NXPE2: variants seen among roughly 807,000 people sequenced by gnomAD.
NXPE2 encodes the protein neurexophilin and PC-esterase domain family member 2.
Under a neutral mutation model 34.4 loss-of-function variants are expected in NXPE2, and 34 were observed. That is an observed-to-expected ratio of 0.99 (90% CI 0.75 to 1.31). The LOEUF (loss-of-function observed/expected upper bound fraction) is 1.31. Among genes scored for constraint, NXPE2 ranks in the 40% most tolerant of loss-of-function variants. The pLI is 0.00. For synonymous variants in NXPE2, 235 were observed against 231.3 expected, an observed-to-expected ratio of 1.02 and a Z score of -0.15; for missense variants, 649 against 672.5, an observed-to-expected ratio of 0.97 and a Z score of 0.39.
intron 2 of NXPE2, among the ~76,000 whole-genome samples, chr11:114,680,365 A>G (rs1950928205): frequency 6.6e-6 from 1 of 152,092 alleles, no homozygotes; most frequent in East Asian, 1.9e-4. Context: ...TACCTTTAAA[A>G]GTGTCTTTCT....
the NXPE2 span, among the ~76,000 whole-genome samples, chr11:114,612,242 C>T: frequency 9.5e-3 from 1,445 of 151,326 alleles, 25 homozygotes; most frequent in African/African-American, 0.034. Flanking sequence ...CACTGTTACA[C>T]GGTGGAGAAT....
At chr11:114,582,639 T>C in the NXPE2 span, 2 of 1,613,918 alleles carry the variant, frequency 1.2e-6, no homozygotes, top group Non-Finnish European at 1.7e-6. Context: ...GTAGGTGCCG[T>C]TGTTGAAGTC....
the NXPE2 span, among the ~76,000 whole-genome samples, chr11:114,654,406 A>T: frequency 6.6e-6 from 1 of 151,858 alleles, no homozygotes. Context: ...GGTTTGTTAC[A>T]TAGGTATATG....
chr11:114,580,420 G>C, the NXPE2 span: 2 of 1,180,750 alleles, frequency 1.7e-6, no homozygotes, highest in Admixed American at 3.5e-5. Flanking sequence ...TATCCTCTAA[G>C]TATCCTAAGA....
chr11:114,505,566 A>G, the NXPE2 span, among the ~76,000 whole-genome samples: 1 of 152,186 alleles, frequency 6.6e-6, no homozygotes, highest in Non-Finnish European at 1.5e-5. Flanking sequence ...ATTGAGGGTC[A>G]ATATTCAAAA....
At chr11:114,620,938 C>T in the NXPE2 span, among the ~76,000 whole-genome samples, 5 of 152,238 alleles carry the variant, frequency 3.3e-5, no homozygotes, top group South Asian at 1.0e-3. Context: ...TGTGGGTAAC[C>T]ACATTTACCT....
At chr11:114,747,658 A>G in the NXPE2 span, among the ~76,000 whole-genome samples, 1 of 152,136 alleles carries the variant, frequency 6.6e-6, no homozygotes. Context: ...CTTTAAAACC[A>G]TCAGATCCCA....
In NXPE2 at chr11:114,698,573, GC is replaced by G; in HGVS notation, c.663del (p.Asn222ThrfsTer12). 1 of 1,614,160 alleles carries G rather than the reference GC, an allele frequency of 6.2e-7. No homozygotes were observed. The highest frequency in any genetic ancestry group is 8.5e-7 in the Non-Finnish European group (1 of 1,180,010). ...TAGGATCATCTTCACTGGCCTGTTTGCCAACAGAAGCTCCAATGTCTTCACT... is the reference window on the plus strand; with the variant it reads ...TAGGATCATCTTCACTGGCCTGTTTGCAACAGAAGCTCCAATGTCTTCACT... Reference protein sequence around the residue: ...CDRIIFTGLFANRSSNVFTEC... With the variant: ...CDRIIFTGLFXNRSSNVFTEC... On this transcript the variant is annotated frameshift_variant, in exon 3 of 6. Coordinates refer to ENST00000389586, the MANE Select transcript of NXPE2 (RefSeq NM_182495.6). LOFTEE classifies it high-confidence loss of function.
the NXPE2 span, among the ~76,000 whole-genome samples, chr11:114,489,081 C>G: frequency 0.15 from 22,989 of 152,158 alleles, 1,937 homozygotes; most frequent in South Asian, 0.23. Flanking sequence ...CTATAAACAC[C>G]TCTATGCAAA....
chr11:114,620,528 G>A, the NXPE2 span, among the ~76,000 whole-genome samples: 6 of 151,586 alleles, frequency 4.0e-5, no homozygotes, highest in African/African-American at 1.5e-4. Flanking sequence ...CTTTAAGGCG[G>A]TAGATAATAA....
chr11:114,719,713 A>G, the NXPE2 span, among the ~76,000 whole-genome samples: 4 of 152,262 alleles, frequency 2.6e-5, no homozygotes, highest in East Asian at 7.7e-4. Context: ...GATGAGGGTC[A>G]GGCCACAGGG....
chr11:114,465,332 C>G, the NXPE2 span, among the ~76,000 whole-genome samples: 2 of 152,140 alleles, frequency 1.3e-5, no homozygotes, highest in Non-Finnish European at 2.9e-5. Context: ...AGATCTGCAG[C>G]TACATGCAGC....
chr11:114,522,021 G>A, the NXPE2 span: 10 of 1,613,722 alleles, frequency 6.2e-6, no homozygotes. Context: ...ACATGATCAG[G>A]TGGGTGGATA....
At chr11:114,709,918 A>G (rs1425696978), downstream of NXPE2, among the ~76,000 whole-genome samples, 3 of 152,100 alleles carry the variant, frequency 2.0e-5, no homozygotes, top group Non-Finnish European at 2.9e-5. Flanking sequence ...CAAAAAAGAA[A>G]AAAAAAAAGA....
the NXPE2 span, among the ~76,000 whole-genome samples, chr11:114,592,309 T>G: frequency 1.3e-5 from 2 of 152,196 alleles, no homozygotes; most frequent in Middle Eastern, 3.4e-3. Flanking sequence ...AGAACTGATT[T>G]TAAAAACTCA....
At chr11:114,793,149 C>T in the NXPE2 span, among the ~76,000 whole-genome samples, 3 of 152,168 alleles carry the variant, frequency 2.0e-5, no homozygotes, top group South Asian at 2.1e-4. Context: ...AATACCACAT[C>T]ATGCATGTTT....
In NXPE2 at chr11:114,706,732, G is replaced by A. The variant is rs1951482400; in HGVS notation, c.1482G>A (p.Glu494=). 1 of 1,552,232 alleles carries A rather than the reference G, an allele frequency of 6.4e-7. No individual in the cohort carries two copies. The highest frequency in any genetic ancestry group is 2.4e-5 in the East Asian group (1 of 41,074). ...KVILKTENTR[E]IEQNAEMFSD... ...TACTTAAAACTGAAAACACCAGAGA[G>A]ATAGAACAAAATGCAGAGATGTTCA... is the stretch of plus-strand genomic sequence containing the variant. Residue 494 remains glutamate (E), a synonymous_variant, in exon 6 of 6, where the codon GAG becomes GAA. Transcript: ENST00000389586.
chr11:114,558,234 A>C, the NXPE2 span, among the ~76,000 whole-genome samples: 1 of 152,160 alleles, frequency 6.6e-6, no homozygotes, highest in African/African-American at 2.4e-5. Context: ...ATCCATATAT[A>C]TGCACATTCT....
chr11:114,691,537 A>T (rs568226344), intron 2 of NXPE2, among the ~76,000 whole-genome samples: 1 of 151,992 alleles, frequency 6.6e-6, no homozygotes, highest in Non-Finnish European at 1.5e-5. Context: ...GCCCTCTCCC[A>T]GCACACATTT....
Sources: gnomAD v4.1 joint callset for allele counts (sites outside exome capture counted in the v4.1 genomes callset) on GRCh38, gnomAD v4.1.1 for gene constraint, MANE v1.5 for transcripts, NCBI Gene and HGNC (gene_info 2026-07-23, HGNC 2026-07-21) for gene names.